Variants in CNKSR3 observed in about 807,000 individuals in gnomAD.
The protein encoded by CNKSR3 is CNKSR family member 3.
CNKSR3 carries 36 observed loss-of-function variants against 67.7 expected under a neutral mutation model. That is an observed-to-expected ratio of 0.53 (90% CI 0.41 to 0.70). The LOEUF is 0.70. CNKSR3 is among the 30% of genes least tolerant of loss of function. The probability of loss-of-function intolerance (pLI) is 0.00; values close to 1 mark genes in which losing one functional copy is unlikely to be tolerated. For missense variants in CNKSR3, 630 were observed against 695.2 expected, an observed-to-expected ratio of 0.91 and a Z score of 1.05; for synonymous variants, 281 against 271.4, an observed-to-expected ratio of 1.04 and a Z score of -0.35.
At chr6:154,411,633 C>CA (rs57943019) in intron 10 of CNKSR3, among the ~76,000 whole-genome samples, 11,294 of 102,744 alleles carry the variant, frequency 0.11, 595 homozygotes, top group East Asian at 0.23. Flanking sequence ...GACTCCATCT[C>CA]AAAAAAAAAA....
chr6:154,433,076 T>G (rs1048696441), intron 5 of CNKSR3, among the ~76,000 whole-genome samples: 3 of 152,196 alleles, frequency 2.0e-5, no homozygotes, highest in African/African-American at 7.2e-5. Flanking sequence ...CTTAAACAGT[T>G]ACAGCACATC....
At chr6:154,433,671 T>G in intron 4 of CNKSR3, 164 bp from the exon 5 acceptor site, 1 of 614,852 alleles carries the variant, frequency 1.6e-6, no homozygotes, top group Non-Finnish European at 3.0e-6. Context: ...GAGGGCAGAG[T>G]GGGAACAGAG....
chr6:154,485,151 G>A (rs886171547), intron 1 of CNKSR3, among the ~76,000 whole-genome samples: 1 of 152,130 alleles, frequency 6.6e-6, no homozygotes, highest in African/African-American at 2.4e-5. Context: ...TGATGTACAT[G>A]AATCATTAAT....
Position 154,396,372 on chromosome 6 carries a change from A to C in CNKSR3, c.*9982T>G, listed in dbSNP as rs1410903490. 1 of 152,208 alleles carries C rather than the reference A, an allele frequency of 6.6e-6. No homozygotes were observed. The highest frequency in any genetic ancestry group is 2.4e-5 in the African/African-American group (1 of 41,448). 9.4% of individuals were successfully genotyped at this position (152,208 alleles called of 1,614,324 possible). A position where few individuals can be genotyped will look rare whatever the true frequency, so the allele number is the denominator to read the frequency against. On this transcript the variant is annotated 3_prime_UTR_variant, in exon 13 of 13. Coordinates refer to ENST00000607772, the MANE Select transcript of CNKSR3 (RefSeq NM_173515.4). ...TTTAAAATGAGAGCCAATGTAATAAAATTCTTTATGGAATAGTCTGCAAAA... is the reference window on the plus strand; with the variant it reads ...TTTAAAATGAGAGCCAATGTAATAACATTCTTTATGGAATAGTCTGCAAAA...
chr6:154,441,446 G>T, intron 3 of CNKSR3, 67 bp from the exon 4 acceptor site: 1 of 1,148,858 alleles, frequency 8.7e-7, no homozygotes, highest in Non-Finnish European at 1.3e-6. Flanking sequence ...ACTGGATGTT[G>T]GTAAGCATAG....
chr6:154,455,532 C>T (rs117241690), intron 1 of CNKSR3, among the ~76,000 whole-genome samples: 47 of 151,510 alleles, frequency 3.1e-4, no homozygotes, highest in Non-Finnish European at 5.7e-4. Flanking sequence ...GTCAATTCTC[C>T]TGCCTCAGCC....
At position 154,437,563 on chromosome 6, in the gene CNKSR3, C is replaced by T. The variant is rs142923694; in HGVS notation, c.507+3729G>A. On this transcript the variant is annotated intron_variant, in intron 4 of 12. Transcript: ENST00000607772. ...CAAGTAGCTGGGATATATAGGTGTCCGCCACCATGCCCTGGGTGATTTTTG... is the reference window on the plus strand; with the variant it reads ...CAAGTAGCTGGGATATATAGGTGTCTGCCACCATGCCCTGGGTGATTTTTG... Among the ~76,000 whole-genome samples the T allele has an allele frequency of 1.2e-3, 177 of 151,886 alleles. 1 individual carries two copies. Among genetic ancestry groups the T allele is most frequent in the African/African-American group, 4.1e-3 (171 of 41,426 alleles).
chr6:154,449,457 C>T (rs998819799), intron 2 of CNKSR3, among the ~76,000 whole-genome samples: 3 of 152,074 alleles, frequency 2.0e-5, no homozygotes, highest in Admixed American at 6.6e-5. Flanking sequence ...TGAATATCTG[C>T]GACTATAGGT....
At chr6:154,496,526 C>T (rs1786882011) in intron 1 of CNKSR3, among the ~76,000 whole-genome samples, 1 of 152,170 alleles carries the variant, frequency 6.6e-6, no homozygotes, top group Non-Finnish European at 1.5e-5. Flanking sequence ...TTCATTCTAT[C>T]CTCTATAGAT....
intron 2 of CNKSR3, among the ~76,000 whole-genome samples, chr6:154,449,111 C>T (rs1785769557): frequency 6.6e-6 from 1 of 152,170 alleles, no homozygotes; most frequent in Non-Finnish European, 1.5e-5. Context: ...TGTCAGGACC[C>T]AGCAGGATTT....
chr6:154,442,162 C>T lies in CNKSR3; in HGVS notation c.345G>A (p.Lys115=). Residue 115 remains lysine, a synonymous_variant, in exon 3 of 13, where the codon AAG becomes AAA. Transcript: ENST00000607772. The part of the protein sequence containing the change: ...SPAYDGNTSR[K]APNEFLTSVV... ...CCGAGGTCAGGAACTCATTGGGGGC[C>T]TTGCGGGAGGTGTTGCCATCGTAAG... The T allele has an allele frequency of 1.2e-6, 2 of 1,614,166 alleles. No individual in the cohort carries two copies. The highest frequency in any genetic ancestry group is 1.7e-4 in the Middle Eastern group (1 of 6,060).
intron 1 of CNKSR3, among the ~76,000 whole-genome samples, chr6:154,496,048 C>T (rs971176928): frequency 4.6e-5 from 7 of 152,186 alleles, no homozygotes; most frequent in African/African-American, 1.4e-4. Context: ...CCCCAAAAGA[C>T]TTACCTGGCC....
chr6:154,433,461 C>T lies in CNKSR3; in HGVS notation c.549+5G>A. On this transcript the variant is annotated splice_donor_5th_base_variant and intron_variant, in intron 5 of 12. Coordinates refer to ENST00000607772, the MANE Select transcript of CNKSR3 (RefSeq NM_173515.4). ...TTTACAATAACTTTTAGAATGTATA[C>T]TTACCACAGTTAAAACTTTATCCTC... is the stretch of plus-strand genomic sequence containing the variant. The T allele has an allele frequency of 6.3e-7, 1 of 1,574,886 alleles. No homozygotes were observed. The highest frequency in any genetic ancestry group is 8.7e-7 in the Non-Finnish European group (1 of 1,151,406).
intron 7 of CNKSR3, among the ~76,000 whole-genome samples, chr6:154,423,440 T>C (rs1785188854): frequency 6.6e-6 from 1 of 152,114 alleles, no homozygotes; most frequent in African/African-American, 2.4e-5. Context: ...ATATTTTTAG[T>C]AGAGATGAGG....
chr6:154,445,135 C>A (rs1357045861), intron 2 of CNKSR3, among the ~76,000 whole-genome samples: 1 of 151,528 alleles, frequency 6.6e-6, no homozygotes, highest in Non-Finnish European at 1.5e-5. Context: ...TATGTTACCT[C>A]CTAGTGAAAC....
chr6:154,418,412 C>G (rs1455217703), intron 9 of CNKSR3, among the ~76,000 whole-genome samples: 1 of 152,180 alleles, frequency 6.6e-6, no homozygotes, highest in Non-Finnish European at 1.5e-5. Context: ...CGATGGTGGT[C>G]TATCTATGTT....
Position 154,406,491 on chromosome 6 carries a change from G to T in CNKSR3, c.1531C>A (p.Leu511Ile), listed in dbSNP as rs1454302030. Residue 511 changes from leucine (L) to isoleucine (I), a missense_variant, in exon 13 of 13, where the codon CTC (leucine) becomes ATC (isoleucine). By Grantham distance (5) the Leu-to-Ile change is conservative. Around this residue, in one of 3 missense-constraint regions of CNKSR3, gnomAD observed 308 missense variants for 299.6 expected, o/e 1.03. Coordinates refer to ENST00000607772, the MANE Select transcript of CNKSR3 (RefSeq NM_173515.4). Reference protein sequence around the residue: ...RGSRCYINSDLHSSATIPFQE... With the variant: ...RGSRCYINSDIHSSATIPFQE... ...AATGGAATCGTGGCGCTGCTGTGGA[G>T]ATCTGAGTTGATGTAGCACCTGCTT... 1 of 1,614,094 alleles carries T rather than the reference G, an allele frequency of 6.2e-7. No homozygotes were observed. The highest frequency in any genetic ancestry group is 8.5e-7 in the Non-Finnish European group (1 of 1,180,048).
chr6:154,455,911 G>C (rs1198882084), intron 1 of CNKSR3, among the ~76,000 whole-genome samples: 1 of 151,714 alleles, frequency 6.6e-6, no homozygotes, highest in Non-Finnish European at 1.5e-5. Context: ...CTTGTACTAA[G>C]AATTTTTATT....
At chr6:154,437,546 T>C (rs1158558493) in intron 4 of CNKSR3, among the ~76,000 whole-genome samples, 1 of 151,392 alleles carries the variant, frequency 6.6e-6, no homozygotes, top group African/African-American at 2.4e-5. Context: ...CCCAAGTAGC[T>C]GGGATATATA....
Sources: allele counts gnomAD v4.1 joint callset (sites outside exome capture counted in the v4.1 genomes callset), GRCh38; gene constraint gnomAD v4.1.1; regional missense constraint gnomAD v4.1.1; transcripts MANE v1.5; gene names NCBI Gene and HGNC (gene_info 2026-07-23, HGNC 2026-07-21).